Variants in FHDC1 observed in about 807,000 individuals in gnomAD.
The protein encoded by FHDC1 is FH2 domain containing 1.
A neutral mutation model predicts 52.6 loss-of-function variants in FHDC1; 25 were observed. The ratio of observed to expected loss-of-function variants is 0.48; its 90% CI spans 0.35 to 0.66. The LOEUF is 0.66. Ranked by LOEUF, FHDC1 falls within the 30% of genes least tolerant of loss-of-function variation. FHDC1 has a pLI of 0.01. For synonymous variants in FHDC1, 616 were observed against 581.5 expected (o/e 1.06, Z -0.85); for missense variants, 1,459 against 1,452.8 (o/e 1.00, Z -0.07).
Position 152,976,375 on chromosome 4 carries a change from A to C in FHDC1, c.3084A>C (p.Glu1028Asp). The C allele has an allele frequency of 6.2e-7, 1 of 1,613,746 alleles. No individual in the cohort carries two copies. The highest frequency in any genetic ancestry group is 8.5e-7 in the Non-Finnish European group (1 of 1,180,000). ...CGTCAGTGCCCAGCGTCCCCCACGAACTACCCCGTGTCCCGAGCTTTGCCC... is the reference window on the plus strand; with the variant it reads ...CGTCAGTGCCCAGCGTCCCCCACGACCTACCCCGTGTCCCGAGCTTTGCCC... ...KTPSVPSVPH[E>D]LPRVPSFARN... The change falls in exon 12 of 12, where the codon GAA becomes GAC. Residue 1028 changes from glutamate to aspartate, a missense_variant. This residue lies in a region of FHDC1 where 939 missense variants were observed against 854.5 expected (regional missense o/e 1.10). Coordinates refer to ENST00000511601, the MANE Select transcript of FHDC1 (RefSeq NM_001371116.1).
intron 10 of FHDC1, 56 bp downstream of exon 10, chr4:152,968,153 G>T: frequency 7.6e-7 from 1 of 1,322,864 alleles, no homozygotes. Flanking sequence ...AGCACCCCGG[G>T]GCTGGTTAAA....
chr4:152,938,490 G>A (rs1217925757), intron 1 of FHDC1, among the ~76,000 whole-genome samples: 1 of 152,126 alleles, frequency 6.6e-6, no homozygotes, highest in African/African-American at 2.4e-5. Flanking sequence ...AAAGATAAGT[G>A]GTGGTGGAGG....
rs904690211 is a variant in FHDC1, at chr4:152,978,742, C to T, written c.*2019C>T. ...TAGATGGATTTAGGCAAATATGATG[C>T]GTTTGTGGGGAATCCACGTGGTTGA... On this transcript the variant is annotated 3_prime_UTR_variant, in exon 12 of 12. Transcript: ENST00000511601. 6.6e-5 allele frequency: 10 copies of T among 152,132 alleles called. No individual in the cohort carries two copies. Among genetic ancestry groups the T allele is most frequent in the African/African-American group, 2.2e-4 (9 of 41,492 alleles). The allele number at this position is 152,132 out of a possible 1,614,324, so 9.4% of individuals were successfully genotyped here.
the FHDC1 span, among the ~76,000 whole-genome samples, chr4:152,925,844 AAGGAGAAGAAGGAG>A: frequency 9.0e-5 from 13 of 144,172 alleles, no homozygotes; most frequent in South Asian, 1.6e-3. Context: ...GAAGGAGAAG[AAGGAGAAGAAGGAG>A]AGGAGAAGAA....
chr4:152,921,591 TCCCTC>T, the FHDC1 span, among the ~76,000 whole-genome samples: 11 of 133,228 alleles, frequency 8.3e-5, no homozygotes, highest in South Asian at 5.3e-4. Context: ...CCTTCCTCCC[TCCCTC>T]CCTCCCTCCC....
At chr4:152,949,850 A>C (rs1739869244) in intron 2 of FHDC1, among the ~76,000 whole-genome samples, 1 of 152,122 alleles carries the variant, frequency 6.6e-6, no homozygotes, top group African/African-American at 2.4e-5. Flanking sequence ...TAATTACCTC[A>C]TTACCTTATA....
upstream of FHDC1, among the ~76,000 whole-genome samples, chr4:152,933,374 T>C (rs1418144510): frequency 6.6e-6 from 1 of 152,190 alleles, no homozygotes; most frequent in Non-Finnish European, 1.5e-5. Context: ...ATGAACTCTA[T>C]TGAAGAGTTG....
chr4:152,919,334 G>A, the FHDC1 span, among the ~76,000 whole-genome samples: 2 of 152,218 alleles, frequency 1.3e-5, no homozygotes, highest in Admixed American at 1.3e-4. Context: ...GGAGAAGGGA[G>A]GGATCAGTGT....
the FHDC1 span, chr4:152,918,450 C>G: frequency 6.6e-6 from 1 of 152,168 alleles, no homozygotes; most frequent in African/African-American, 2.4e-5. Flanking sequence ...ACGTGTTAGC[C>G]CAAGCCATGG....
intron 10 of FHDC1, among the ~76,000 whole-genome samples, chr4:152,969,671 T>TC (rs1740577936): frequency 6.6e-6 from 1 of 150,900 alleles, no homozygotes; most frequent in African/African-American, 2.4e-5. Flanking sequence ...AGTCGTTTTT[T>TC]TTTTTTTTTT....
chr4:152,975,105 CG>C lies in FHDC1; in HGVS notation c.1820del (p.Gly607AlafsTer47). On this transcript the variant is annotated frameshift_variant, in exon 12 of 12. Transcript: ENST00000511601. LOFTEE classifies it low-confidence loss of function (END_TRUNC). ...DSSFAHKPQA[S>X]GGQEEAPNPP... is the part of the protein sequence containing the mutation. Reference sequence around the variant, plus strand: ...AGCTTTGCACACAAACCTCAGGCCTCGGGGGGCCAGGAGGAGGCCCCCAACC... The same window carrying C: ...AGCTTTGCACACAAACCTCAGGCCTCGGGGGCCAGGAGGAGGCCCCCAACC... The C allele has an allele frequency of 1.2e-6, 2 of 1,612,652 alleles. No homozygotes were observed. The highest frequency in any genetic ancestry group is 1.7e-5 in the Admixed American group (1 of 60,030).
rs776391378 is a variant in FHDC1 at position 152,975,678 on chromosome 4, G to T, written c.2387G>T (p.Gly796Val). 6.2e-7 allele frequency: 1 copy of T among 1,612,618 alleles called. No homozygotes were observed. Among genetic ancestry groups the T allele is most frequent in the Non-Finnish European group, 8.5e-7 (1 of 1,179,288 alleles). ...GGAACCGACTCCAGACCCAGAGGCG[G>T]GGACCCGGAGGAAGGCGGGGAAGGG... is the stretch of plus-strand genomic sequence containing the variant. ...SEGTDSRPRG[G>V]DPEEGGEGDG... The change falls in exon 12 of 12, where the codon GGG becomes GTG. Residue 796 changes from glycine (G) to valine (V), a missense_variant. Coordinates refer to ENST00000511601, the MANE Select transcript of FHDC1 (RefSeq NM_001371116.1).
At chr4:152,959,459 T>C (rs1740207130) in intron 4 of FHDC1, among the ~76,000 whole-genome samples, 1 of 152,256 alleles carries the variant, frequency 6.6e-6, no homozygotes. Context: ...GTTTAAAAAC[T>C]TAGTTTAGTT....
intron 2 of FHDC1, among the ~76,000 whole-genome samples, chr4:152,949,139 G>T (rs141875402): frequency 0.014 from 1,105 of 81,564 alleles, 9 homozygotes; most frequent in African/African-American, 0.034. Context: ...AGAAGAAGAA[G>T]AAGAAGAAGA....
chr4:152,932,189 G>A (rs1343360313), upstream of FHDC1, among the ~76,000 whole-genome samples: 1 of 151,722 alleles, frequency 6.6e-6, no homozygotes, highest in Non-Finnish European at 1.5e-5. Flanking sequence ...TTAGAGACCA[G>A]CCTGGGCAAC....
chr4:152,913,759 A>G, the FHDC1 span, among the ~76,000 whole-genome samples: 5 of 151,994 alleles, frequency 3.3e-5, no homozygotes, highest in Admixed American at 6.6e-5. Flanking sequence ...GCTCACTGCA[A>G]CCTCCGCCTC....
intron 2 of FHDC1, among the ~76,000 whole-genome samples, chr4:152,947,804 C>T (rs1203141097): frequency 3.9e-5 from 5 of 126,644 alleles, no homozygotes; most frequent in Non-Finnish European, 6.7e-5. Context: ...AAAAAGAAGA[C>T]CACAGAAGAG....
At chr4:152,928,074 G>T in the FHDC1 span, 7 of 1,369,316 alleles carry the variant, frequency 5.1e-6, no homozygotes, top group Non-Finnish European at 7.3e-6. Context: ...GTCTGTATCA[G>T]CATCCTCCCA....
chr4:152,938,112 T>C (rs1380734572), intron 1 of FHDC1, among the ~76,000 whole-genome samples: 3 of 152,008 alleles, frequency 2.0e-5, no homozygotes, highest in Non-Finnish European at 4.4e-5. Flanking sequence ...CCCCTTCAAC[T>C]GACCCACAGT....
Sources: gnomAD v4.1 joint callset for allele counts (sites outside exome capture counted in the v4.1 genomes callset) on GRCh38, gnomAD v4.1.1 for gene constraint, gnomAD v4.1.1 regional missense constraint, MANE v1.5 for transcripts, NCBI Gene and HGNC (gene_info 2026-07-23, HGNC 2026-07-21) for gene names.